Variants in TOX observed in about 807,000 individuals in gnomAD.
TOX encodes thymocyte selection-associated high mobility group box protein TOX.
A neutral mutation model predicts 53.7 loss-of-function variants in TOX; 11 were observed. The ratio of observed to expected loss-of-function variants is 0.20; its 90% CI spans 0.13 to 0.34. The LOEUF is 0.34. Among genes scored for constraint, TOX ranks in the 10% least tolerant of loss-of-function variants. TOX has a pLI of 1.00. For synonymous variants in TOX, 225 were observed against 245.3 expected (o/e 0.92, Z 0.77); for missense variants, 570 against 664.6 (o/e 0.86, Z 1.56).
At chr8:58,853,980 C>G (rs1810868406) in intron 3 of TOX, among the ~76,000 whole-genome samples, 1 of 152,150 alleles carries the variant, frequency 6.6e-6, no homozygotes, top group Non-Finnish European at 1.5e-5. Context: ...TTTTTAGACC[C>G]TTAGCATGCA....
intron 3 of TOX, among the ~76,000 whole-genome samples, chr8:58,890,485 G>A (rs1244688465): frequency 1.3e-5 from 2 of 152,090 alleles, no homozygotes; most frequent in East Asian, 1.9e-4. Flanking sequence ...CAATGGCAAA[G>A]TATTTAATTT....
intron 1 of TOX, among the ~76,000 whole-genome samples, chr8:59,065,632 AGAAG>A (rs1272392514): frequency 6.6e-6 from 1 of 152,192 alleles, no homozygotes; most frequent in Non-Finnish European, 1.5e-5. Flanking sequence ...TTAGCTCCTT[AGAAG>A]AACTCTTCTG....
In TOX at chr8:59,118,372, C is replaced by T. The variant is rs1205681765; in HGVS notation, c.102+514G>A. Among the ~76,000 whole-genome samples, 3 of 152,174 alleles carry T rather than the reference C, an allele frequency of 2.0e-5. No individual in the cohort carries two copies. The highest frequency in any genetic ancestry group is 7.2e-5 in the African/African-American group (3 of 41,454). Reference sequence around the variant, plus strand: ...ACAAAAGAGTTGTGGGGCAGTTTTCCCTGTGGGGGGCAGGGGCGCCTCCCA... The same window carrying T: ...ACAAAAGAGTTGTGGGGCAGTTTTCTCTGTGGGGGGCAGGGGCGCCTCCCA... On this transcript the variant is annotated intron_variant, in intron 1 of 8. Coordinates refer to ENST00000361421, the MANE Select transcript of TOX (RefSeq NM_014729.3). This position sits in a 1 kb window ranked among gnomAD's most constrained non-coding sequence, Gnocchi z 4.1.
At chr8:58,948,873 A>C (rs979973934) in intron 2 of TOX, among the ~76,000 whole-genome samples, 4 of 152,182 alleles carry the variant, frequency 2.6e-5, no homozygotes, top group Non-Finnish European at 5.9e-5. Context: ...TAATCCAACC[A>C]CTCAGGAGCA....
chr8:59,090,148 C>T (rs56400859), intron 1 of TOX, among the ~76,000 whole-genome samples: 46,823 of 152,128 alleles, frequency 0.31, 11,823 homozygotes, highest in African/African-American at 0.69. Flanking sequence ...TAATATGTAA[C>T]GAGTTTCTAA....
intron 1 of TOX, among the ~76,000 whole-genome samples, chr8:59,044,874 C>A (rs1803656997): frequency 6.6e-6 from 1 of 152,204 alleles, no homozygotes; most frequent in Non-Finnish European, 1.5e-5. Context: ...GAAAAACCAA[C>A]AGATTAATCA....
chr8:58,918,654 A>G (rs1463531875), intron 3 of TOX, among the ~76,000 whole-genome samples: 2 of 50,396 alleles, frequency 4.0e-5, no homozygotes, highest in African/African-American at 1.7e-4. Context: ...CAAGACAGGG[A>G]TGTCCTCTCT....
At chr8:59,110,852 A>G (rs930697937) in intron 1 of TOX, among the ~76,000 whole-genome samples, 13 of 152,208 alleles carry the variant, frequency 8.5e-5, no homozygotes, top group African/African-American at 3.1e-4. Context: ...TCTCTTCCTG[A>G]AAGAACCACT....
intron 1 of TOX, among the ~76,000 whole-genome samples, chr8:59,041,073 C>CGTGTGTGTGTGTGT (rs61657323): frequency 8.3e-5 from 12 of 143,818 alleles, no homozygotes; most frequent in African/African-American, 2.6e-4. Flanking sequence ...AAAGGGACTC[C>CGTGTGTGTGTGTGT]GTGTGTGTGT....
At chr8:58,885,761 A>T (rs1318250734) in intron 3 of TOX, among the ~76,000 whole-genome samples, 1 of 152,152 alleles carries the variant, frequency 6.6e-6, no homozygotes, top group Non-Finnish European at 1.5e-5. Flanking sequence ...TGATTTTCAG[A>T]GGTTAATTGC....
chr8:58,953,306 T>C (rs983407951), intron 2 of TOX, among the ~76,000 whole-genome samples: 1 of 152,144 alleles, frequency 6.6e-6, no homozygotes, highest in African/African-American at 2.4e-5. Flanking sequence ...GACATTTTTA[T>C]AAACTGTAAG....
intron 1 of TOX, among the ~76,000 whole-genome samples, chr8:59,026,123 T>G (rs994775939): frequency 2.0e-5 from 1 of 51,200 alleles, no homozygotes; most frequent in African/African-American, 8.5e-5. Context: ...TAATTTTATG[T>G]TTTTTTTTTC....
intron 1 of TOX, among the ~76,000 whole-genome samples, chr8:59,026,371 T>C (rs1371553435): frequency 5.9e-5 from 9 of 152,072 alleles, no homozygotes; most frequent in Non-Finnish European, 1.2e-4. Context: ...AATAGAAGAA[T>C]GGAACTTGGT....
At chr8:59,052,338 A>G (rs1241577084) in intron 1 of TOX, among the ~76,000 whole-genome samples, 1 of 152,232 alleles carries the variant, frequency 6.6e-6, no homozygotes, top group Non-Finnish European at 1.5e-5. Context: ...TTTGCAAAGC[A>G]TGCAGTGAGA....
intron 6 of TOX, 118 bp from the exon 7 acceptor site, chr8:58,815,842 C>T (rs548433900): frequency 2.2e-5 from 24 of 1,113,726 alleles, no homozygotes; most frequent in South Asian, 3.6e-5. Flanking sequence ...ATGACTATCC[C>T]GGACTCTCTG....
intron 1 of TOX, among the ~76,000 whole-genome samples, chr8:58,976,212 G>A (rs952361739): frequency 6.6e-6 from 1 of 152,316 alleles, no homozygotes; most frequent in Middle Eastern, 3.4e-3. Flanking sequence ...AAATCCTACT[G>A]CTGCTCTATC....
In TOX at chr8:59,118,977, C is replaced by T. The variant is rs1805160462; in HGVS notation, c.11G>A (p.Arg4Lys). 6 of 1,602,908 alleles carry T rather than the reference C, an allele frequency of 3.7e-6. No individual in the cohort carries two copies. Among genetic ancestry groups the T allele is most frequent in the Non-Finnish European group, 5.1e-6 (6 of 1,173,818 alleles). ...GGGCTGGGCTGGAGGTGGATAAAAT[C>T]TTACGTCCATTTCACTCTCACATCA... MDV[R>K]FYPPPAQPAA... The change falls in exon 1 of 9, where the codon AGA (arginine) becomes AAA (lysine). Residue 4 changes from arginine to lysine, a missense_variant. Arg to Lys is a conservative substitution (Grantham distance 26). Coordinates refer to ENST00000361421, the MANE Select transcript of TOX (RefSeq NM_014729.3). The surrounding 1 kb of genome is among the most constrained non-coding windows in gnomAD (Gnocchi z 4.1).
intron 1 of TOX, among the ~76,000 whole-genome samples, chr8:59,025,963 T>A (rs1814228788): frequency 6.6e-6 from 1 of 152,110 alleles, no homozygotes; most frequent in South Asian, 2.1e-4. Context: ...ATTGAACTGG[T>A]TGTAAGCAAT....
chr8:59,009,486 C>T (rs1478785315), intron 1 of TOX, among the ~76,000 whole-genome samples: 1 of 152,144 alleles, frequency 6.6e-6, no homozygotes, highest in Non-Finnish European at 1.5e-5. Flanking sequence ...GTTTCTCCTG[C>T]CTCAGCCTCC....
Sources: gnomAD v4.1 joint callset for allele counts (sites outside exome capture counted in the v4.1 genomes callset) on GRCh38, gnomAD v4.1.1 for gene constraint, Gnocchi (gnomAD v3.1) non-coding constraint, MANE v1.5 for transcripts, NCBI Gene and HGNC (gene_info 2026-07-23, HGNC 2026-07-21) for gene names.